The following MDGA2 variants were observed in gnomAD, a reference collection of about 807,000 sequenced individuals.
The protein encoded by MDGA2 is MAM domain-containing glycosylphosphatidylinositol anchor protein 2.
In MDGA2, 40 loss-of-function variants were observed where a neutral mutation model predicts 117.8. The ratio of observed to expected loss-of-function variants is 0.34; its 90% CI spans 0.26 to 0.44. The LOEUF is 0.44. MDGA2 is among the 20% of genes least tolerant of loss of function. The probability of loss-of-function intolerance (pLI) is 1.00; values close to 1 mark genes in which losing one functional copy is unlikely to be tolerated. For missense variants in MDGA2, 1,123 were observed against 1,250.6 expected, an observed-to-expected ratio of 0.90 and a Z score of 1.54; for synonymous variants, 452 against 439.0, an observed-to-expected ratio of 1.03 and a Z score of -0.37.
intron 8 of MDGA2, among the ~76,000 whole-genome samples, chr14:47,007,198 C>G (rs755662071): frequency 4.6e-5 from 7 of 151,664 alleles, no homozygotes; most frequent in South Asian, 2.1e-4. Flanking sequence ...AAATGATGGA[C>G]TAATGAACAG....
At chr14:47,664,197 T>A (rs973355205) in intron 1 of MDGA2, among the ~76,000 whole-genome samples, 1 of 152,208 alleles carries the variant, frequency 6.6e-6, no homozygotes. Flanking sequence ...TGCATTTTCA[T>A]GCACATATTT....
intron 2 of MDGA2, among the ~76,000 whole-genome samples, chr14:47,259,299 G>A (rs757284896): frequency 6.6e-6 from 1 of 152,026 alleles, no homozygotes; most frequent in African/African-American, 2.4e-5. Flanking sequence ...TACAGGTTTT[G>A]TAGATATTTA....
intron 8 of MDGA2, among the ~76,000 whole-genome samples, chr14:47,013,855 G>A (rs1887989973): frequency 1.4e-5 from 2 of 144,952 alleles, no homozygotes; most frequent in South Asian, 2.2e-4. Context: ...GGAGTACAAT[G>A]GTATGATCTC....
chr14:47,494,668 A>T (rs1894241588), intron 1 of MDGA2, among the ~76,000 whole-genome samples: 1 of 151,976 alleles, frequency 6.6e-6, no homozygotes, highest in African/African-American at 2.4e-5. Flanking sequence ...TCTTACATCT[A>T]GTTTTTTAAT....
chr14:47,280,314 CAAAAAAAAAAAAAAAA>C (rs1196509408), intron 2 of MDGA2, among the ~76,000 whole-genome samples: 19 of 35,844 alleles, frequency 5.3e-4, no homozygotes, highest in Non-Finnish European at 4.5e-4. Flanking sequence ...AACTCCATCT[CAAAAAAAAAAAAAAAA>C]AAAAAAAAAA....
intron 1 of MDGA2, among the ~76,000 whole-genome samples, chr14:47,641,229 C>G (rs76988289): frequency 0.041 from 6,287 of 152,148 alleles, 124 homozygotes; most frequent in Middle Eastern, 0.068. Flanking sequence ...GGATACAGAT[C>G]ATTAGCTTGA....
intron 3 of MDGA2, among the ~76,000 whole-genome samples, chr14:47,188,822 CA>C (rs1299458676): frequency 1.3e-5 from 2 of 152,132 alleles, no homozygotes; most frequent in Non-Finnish European, 2.9e-5. Context: ...AAAAAATCCT[CA>C]AATACTCTCC....
intron 1 of MDGA2, among the ~76,000 whole-genome samples, chr14:47,554,032 T>C (rs977588478): frequency 6.6e-6 from 1 of 152,168 alleles, no homozygotes; most frequent in African/African-American, 2.4e-5. Flanking sequence ...ATTTAAGAAA[T>C]CCATTTTCTT....
intron 3 of MDGA2, among the ~76,000 whole-genome samples, chr14:47,167,702 G>A (rs958403662): frequency 7.2e-5 from 11 of 151,924 alleles, no homozygotes; most frequent in African/African-American, 2.2e-4. Flanking sequence ...GGGAGTTATC[G>A]GAAATATTCA....
intron 2 of MDGA2, among the ~76,000 whole-genome samples, chr14:47,278,519 C>A (rs1282327123): frequency 6.6e-6 from 1 of 152,030 alleles, no homozygotes; most frequent in African/African-American, 2.4e-5. Flanking sequence ...ACCCGGGATC[C>A]CCAGGCAGAG....
chr14:47,040,788 G>A (rs1379551278), intron 7 of MDGA2, among the ~76,000 whole-genome samples: 1 of 152,132 alleles, frequency 6.6e-6, no homozygotes, highest in African/African-American at 2.4e-5. Flanking sequence ...CATTTAACCT[G>A]TCCTTGTGAC....
chr14:47,009,067 G>A (rs1037335255), intron 8 of MDGA2, among the ~76,000 whole-genome samples: 11 of 151,846 alleles, frequency 7.2e-5, no homozygotes, highest in East Asian at 1.9e-4. Flanking sequence ...CCAGGTTTAC[G>A]ATATTTAATT....
At chr14:47,096,782 T>C in intron 6 of MDGA2, 72 bp downstream of exon 6, 3 of 1,450,832 alleles carry the variant, frequency 2.1e-6, no homozygotes, top group Non-Finnish European at 2.9e-6. Context: ...GGTAATTTTA[T>C]ATCAACCATT....
At chr14:47,396,954 C>A (rs1295276096) in intron 1 of MDGA2, among the ~76,000 whole-genome samples, 1 of 152,144 alleles carries the variant, frequency 6.6e-6, no homozygotes, top group East Asian at 1.9e-4. Context: ...ACCAGAAATA[C>A]CATTTAACCC....
At chr14:47,386,921 C>T (rs1011501867) in intron 1 of MDGA2, among the ~76,000 whole-genome samples, 1 of 152,140 alleles carries the variant, frequency 6.6e-6, no homozygotes, top group African/African-American at 2.4e-5. Context: ...ATATCTACTT[C>T]ACTGGGTTTT....
rs1880569597 is a variant in MDGA2 at position 46,840,648 on chromosome 14, G to C, written c.*1283C>G. The C allele has an allele frequency of 1.3e-5, 2 of 152,536 alleles. No homozygotes were observed. The highest frequency in any genetic ancestry group is 2.9e-5 in the Non-Finnish European group (2 of 68,002). The allele number at this position is 152,536 out of a possible 1,614,324, so 9.4% of individuals were successfully genotyped here. On this transcript the variant is annotated 3_prime_UTR_variant, in exon 17 of 17. Coordinates refer to ENST00000399232, the MANE Select transcript of MDGA2 (RefSeq NM_001113498.3). ...AATAAAGCCAGATTTTTCAGGCCCA[G>C]TTCCACTGTAGAGTTAGTATGCACT...
chr14:47,018,234 A>G (rs1435549489), intron 8 of MDGA2, among the ~76,000 whole-genome samples: 1 of 152,032 alleles, frequency 6.6e-6, no homozygotes, highest in African/African-American at 2.4e-5. Flanking sequence ...GAACATTACC[A>G]GGAAAAAACT....
intron 1 of MDGA2, among the ~76,000 whole-genome samples, chr14:47,339,175 T>C (rs1890546585): frequency 6.6e-6 from 1 of 152,126 alleles, no homozygotes; most frequent in Non-Finnish European, 1.5e-5. Context: ...ATGTCATATT[T>C]AGGGGTATAA....
At chr14:47,073,237 C>A (rs1890359105) in intron 6 of MDGA2, among the ~76,000 whole-genome samples, 2 of 152,180 alleles carry the variant, frequency 1.3e-5, no homozygotes, top group African/African-American at 4.8e-5. Context: ...GATTAATAGC[C>A]TATTAAGTTT....
Sources: allele counts gnomAD v4.1 joint callset (sites outside exome capture counted in the v4.1 genomes callset), GRCh38; gene constraint gnomAD v4.1.1; transcripts MANE v1.5; gene names NCBI Gene and HGNC (gene_info 2026-07-23, HGNC 2026-07-21).